GPR137C: variants seen among roughly 807,000 people sequenced by gnomAD.
GPR137C encodes integral membrane protein GPR137C.
A neutral mutation model predicts 43.4 loss-of-function variants in GPR137C; 27 were observed. That is an observed-to-expected ratio of 0.62 (90% CI 0.46 to 0.86). GPR137C has a LOEUF of 0.86. Ranked by LOEUF, GPR137C falls within the 40% of genes least tolerant of loss-of-function variation. The pLI is 0.00. For synonymous variants in GPR137C, 285 were observed against 226.9 expected, an observed-to-expected ratio of 1.26 and a Z score of -2.30; for missense variants, 522 against 534.6, an observed-to-expected ratio of 0.98 and a Z score of 0.23.
At position 52,636,778 on chromosome 14, in the gene GPR137C, G is replaced by C. The variant is rs1203495736; in HGVS notation, c.*1663G>C. ...CATATACTTATGTTATTTTGGGTTT[G>C]TTTATAATTCTCTCATTGTAACCAA... is the stretch of plus-strand genomic sequence containing the variant. On this transcript the variant is annotated 3_prime_UTR_variant, in exon 7 of 7. Coordinates refer to ENST00000321662, the MANE Select transcript of GPR137C (RefSeq NM_001099652.2). 1 of 152,082 alleles carries C rather than the reference G, an allele frequency of 6.6e-6. No individual in the cohort carries two copies. Among genetic ancestry groups the C allele is most frequent in the Non-Finnish European group, 1.5e-5 (1 of 67,988 alleles). 9.4% of individuals were successfully genotyped at this position (152,082 alleles called of 1,614,324 possible). A position where few individuals can be genotyped will look rare whatever the true frequency, so the allele number is the denominator to read the frequency against.
At position 52,637,392 on chromosome 14, in the gene GPR137C, A is replaced by G. The variant is rs1186124512; in HGVS notation, c.*2277A>G. The stretch of plus-strand genomic sequence containing the variant: ...CAAACCTTCATTTTTGTTCATTAAA[A>G]AGTGAATTTCATTACTTAAGTGTGT... On this transcript the variant is annotated 3_prime_UTR_variant, in exon 7 of 7. Coordinates refer to ENST00000321662, the MANE Select transcript of GPR137C (RefSeq NM_001099652.2). 2 of 152,174 alleles carry G rather than the reference A, an allele frequency of 1.3e-5. No individual in the cohort carries two copies. Among genetic ancestry groups the G allele is most frequent in the African/African-American group, 4.8e-5 (2 of 41,448 alleles). The allele number at this position is 152,174 out of a possible 1,614,324, so 9.4% of individuals were successfully genotyped here.
intron 1 of GPR137C, among the ~76,000 whole-genome samples, chr14:52,578,982 G>A (rs2038604831): frequency 6.6e-6 from 1 of 152,094 alleles, no homozygotes; most frequent in Non-Finnish European, 1.5e-5. Context: ...TGAGCTTATG[G>A]GTGAGATATG....
rs895525952 is a variant in GPR137C at position 52,580,803 on chromosome 14, ATATATTATT to A, written c.445-17462_445-17454del. On this transcript the variant is annotated intron_variant, in intron 1 of 6. Coordinates refer to ENST00000321662, the MANE Select transcript of GPR137C (RefSeq NM_001099652.2). The stretch of plus-strand genomic sequence containing the variant: ...ATATCTACTAAATATATTTATATTT[ATATATTATT>A]TATATTTATATAATAATATTTATAT... Among the ~76,000 whole-genome samples the A allele has an allele frequency of 3.6e-3, 518 of 143,638 alleles. 1 individual carries two copies. The highest frequency in any genetic ancestry group is 5.3e-3 in the Non-Finnish European group (345 of 65,268). The allele number at this position is 143,638 out of a possible 152,430, so 94.2% of individuals were successfully genotyped here. A position where few individuals can be genotyped will look rare whatever the true frequency, so the allele number is the denominator to read the frequency against.
rs149731941 is a variant in GPR137C at position 52,584,859 on chromosome 14, C to T, written c.445-13413C>T. On this transcript the variant is annotated intron_variant, in intron 1 of 6. Coordinates refer to ENST00000321662, the MANE Select transcript of GPR137C (RefSeq NM_001099652.2). Reference sequence around the variant, plus strand: ...CAAGCAATCCTCTTACCTCAGCCTCCCAAAGTGCTGGGATTTCAGGCATGA... The same window carrying T: ...CAAGCAATCCTCTTACCTCAGCCTCTCAAAGTGCTGGGATTTCAGGCATGA... 6.6e-5 allele frequency among the ~76,000 whole-genome samples: 10 copies of T among 152,246 alleles called. No individual in the cohort carries two copies. In the East Asian group the frequency reaches 1.7e-3, roughly 26 times the overall value.
intron 3 of GPR137C, among the ~76,000 whole-genome samples, chr14:52,621,724 G>T (rs2039163441): frequency 6.6e-6 from 1 of 151,638 alleles, no homozygotes; most frequent in Non-Finnish European, 1.5e-5. Context: ...ACTGTGAGAA[G>T]TTAAGGATAT....
chr14:52,568,653 C>T (rs1352914715), intron 1 of GPR137C, among the ~76,000 whole-genome samples: 4 of 152,172 alleles, frequency 2.6e-5, no homozygotes, highest in African/African-American at 9.6e-5. Context: ...CGATTTTCCC[C>T]TCAGGGTGTA....
chr14:52,625,211 C>T (rs142721887), intron 3 of GPR137C, among the ~76,000 whole-genome samples: 69 of 152,044 alleles, frequency 4.5e-4, no homozygotes, highest in African/African-American at 1.3e-3. Flanking sequence ...GGGCTGGACA[C>T]GGTGGCTCAC....
At chr14:52,554,246 T>C (rs1364462780) in intron 1 of GPR137C, among the ~76,000 whole-genome samples, 1 of 152,230 alleles carries the variant, frequency 6.6e-6, no homozygotes. Context: ...CTTCGTGCTT[T>C]AGCGGTTTAT....
chr14:52,556,425 G>T, intron 1 of GPR137C, among the ~76,000 whole-genome samples: 2 of 144,822 alleles, frequency 1.4e-5, no homozygotes, highest in South Asian at 2.2e-4. Context: ...ACACTTGAAT[G>T]GAATTGAGAT....
At chr14:52,614,805 T>C (rs910033100) in intron 3 of GPR137C, among the ~76,000 whole-genome samples, 1 of 152,176 alleles carries the variant, frequency 6.6e-6, no homozygotes, top group Non-Finnish European at 1.5e-5. Context: ...TTAAATCAGA[T>C]TATTAAATTT....
At chr14:52,594,291 G>C (rs917533881) in intron 1 of GPR137C, among the ~76,000 whole-genome samples, 5 of 152,190 alleles carry the variant, frequency 3.3e-5, no homozygotes, top group African/African-American at 9.7e-5. Flanking sequence ...TGAGAAAAAG[G>C]TATATTCTGT....
Position 52,553,562 on chromosome 14 carries a change from C to T in GPR137C, c.415C>T (p.Leu139Phe), listed in dbSNP as rs763627535. The T allele has an allele frequency of 1.9e-6, 3 of 1,603,972 alleles. No individual in the cohort carries two copies. The highest frequency in any genetic ancestry group is 2.5e-6 in the Non-Finnish European group (3 of 1,176,982). ...CFPSCLQFST[L>F]CLLNLYLAEV... is the part of the protein sequence containing the mutation. ...CCCCTCCTGTCTCCAGTTCTCCACG[C>T]TCTGTCTCCTCAACCTCTACCTGGC... Residue 139 changes from leucine (L) to phenylalanine (F), a missense_variant, in exon 1 of 7, where the codon CTC becomes TTC. Leu to Phe is a conservative substitution (Grantham distance 22). This residue lies in a region of GPR137C where 437 missense variants were observed against 425.7 expected (regional missense o/e 1.03). Coordinates refer to ENST00000321662, the MANE Select transcript of GPR137C (RefSeq NM_001099652.2).
chr14:52,585,315 T>C (rs2038698967), intron 1 of GPR137C, among the ~76,000 whole-genome samples: 1 of 152,208 alleles, frequency 6.6e-6, no homozygotes, highest in Non-Finnish European at 1.5e-5. Context: ...AGGACTAACA[T>C]GCCTCTTCTG....
chr14:52,590,095 C>G (rs1309278799), intron 1 of GPR137C, among the ~76,000 whole-genome samples: 1 of 152,122 alleles, frequency 6.6e-6, no homozygotes, highest in African/African-American at 2.4e-5. Flanking sequence ...GTTATTGCAT[C>G]TAAACACCTT....
At chr14:52,590,349 A>C (rs2038766547) in intron 1 of GPR137C, among the ~76,000 whole-genome samples, 1 of 152,252 alleles carries the variant, frequency 6.6e-6, no homozygotes, top group African/African-American at 2.4e-5. Context: ...TCAGTACAAG[A>C]GTCAAAAACT....
intron 3 of GPR137C, among the ~76,000 whole-genome samples, chr14:52,611,079 A>G (rs1566620959): frequency 6.6e-6 from 1 of 152,228 alleles, no homozygotes; most frequent in Admixed American, 6.5e-5. Flanking sequence ...TATCATTAAT[A>G]TAAAAGTATA....
At chr14:52,599,493 G>A (rs534776268) in intron 2 of GPR137C, among the ~76,000 whole-genome samples, 4 of 150,766 alleles carry the variant, frequency 2.7e-5, no homozygotes, top group African/African-American at 9.8e-5. Context: ...GAGTGCAGTG[G>A]CGCTGTCTTG....
chr14:52,600,018 A>G (rs1247929561), intron 2 of GPR137C, 95 bp from the exon 3 acceptor site: 1 of 779,464 alleles, frequency 1.3e-6, no homozygotes, highest in Non-Finnish European at 2.1e-6. Context: ...TTTCAAACTG[A>G]AGGAATTCTT....
intron 1 of GPR137C, among the ~76,000 whole-genome samples, chr14:52,572,671 C>T (rs139748635): frequency 2.4e-4 from 37 of 152,292 alleles, no homozygotes; most frequent in Non-Finnish European, 4.0e-4. Flanking sequence ...GGAAGCACTT[C>T]CTTTGAAACT....
Sources: allele counts gnomAD v4.1 joint callset (sites outside exome capture counted in the v4.1 genomes callset), GRCh38; gene constraint gnomAD v4.1.1; regional missense constraint gnomAD v4.1.1; transcripts MANE v1.5; gene names NCBI Gene and HGNC (gene_info 2026-07-23, HGNC 2026-07-21).